Variants in USP18 observed in about 807,000 individuals in gnomAD.
USP18 encodes ubiquitin specific peptidase 18, also known as ubl carboxyl-terminal hydrolase 18.
A neutral mutation model predicts 48.7 loss-of-function variants in USP18; 11 were observed. The ratio of observed to expected loss-of-function variants is 0.23; its 90% CI spans 0.14 to 0.37. The LOEUF is 0.37. USP18 is among the 10% of genes least tolerant of loss of function. USP18 has a pLI of 1.00. For synonymous variants in USP18, 114 were observed against 163.2 expected, an observed-to-expected ratio of 0.70 and a Z score of 2.30; for missense variants, 285 against 436.4, an observed-to-expected ratio of 0.65 and a Z score of 3.09.
intron 2 of USP18, 65 bp from the exon 3 acceptor site, chr22:18,160,107 C>A: frequency 6.6e-7 from 1 of 1,509,518 alleles, no homozygotes. Context: ...AGCCACCATG[C>A]CCAGCCTTGT....
chr22:18,167,943 C>T lies in USP18; in HGVS notation c.534C>T (p.Cys178=), dbSNP rs757569105. 1.1e-5 allele frequency: 18 copies of T among 1,613,920 alleles called. No individual in the cohort carries two copies. The highest frequency in any genetic ancestry group is 2.2e-5 in the East Asian group (1 of 44,882). ...YTIRVKDSLI[C]VDCAMESSRN... ...TCCGGGTGAAGGACTCCTTGATTTG[C>T]GTTGACTGTGCCATGGAGAGTAGCA... is the stretch of plus-strand genomic sequence containing the variant. Residue 178 remains cysteine (C), a synonymous_variant, in exon 6 of 11, where the codon TGC becomes TGT. Coordinates refer to ENST00000215794, the MANE Select transcript of USP18 (RefSeq NM_017414.4).
chr22:18,169,912 CT>C lies in USP18; in HGVS notation c.697del (p.Cys233ValfsTer11). ...SSKSKCFCENCGKKTRGKQVL... is the reference protein window; with the variant it reads ...SSKSKCFCENXGKKTRGKQVL... Reference sequence around the variant, plus strand: ...GCAAAAGCAAGTGCTTCTGTGAGAACTGTGGGAAGAAGACCCGTGGGAAACA... The same window carrying C: ...GCAAAAGCAAGTGCTTCTGTGAGAACGTGGGAAGAAGACCCGTGGGAAACA... On this transcript the variant is annotated frameshift_variant, in exon 7 of 11. Coordinates refer to ENST00000215794, the MANE Select transcript of USP18 (RefSeq NM_017414.4). LOFTEE classifies it high-confidence loss of function. 6.2e-7 allele frequency: 1 copy of C among 1,606,800 alleles called. No individual in the cohort carries two copies. Among genetic ancestry groups the C allele is most frequent in the Non-Finnish European group, 8.5e-7 (1 of 1,176,248 alleles).
In USP18 at chr22:18,157,631, A is replaced by C; in HGVS notation, c.-33A>C. On this transcript the variant is annotated 5_prime_UTR_variant, in exon 2 of 11. Transcript: ENST00000215794. The stretch of plus-strand genomic sequence containing the variant: ...GTGCTGTCCTGAACGCGGGCCAGGC[A>C]GCTGCGGCCTGGGGGTTTTGGAGTG... 6.2e-7 allele frequency: 1 copy of C among 1,613,378 alleles called. No homozygotes were observed. The highest frequency in any genetic ancestry group is 8.5e-7 in the Non-Finnish European group (1 of 1,179,444).
chr22:18,164,168 G>A lies in USP18; in HGVS notation c.400+2233G>A, dbSNP rs529422448. ...GAGCAAACCAGTGGGAGCAGCTGTG[G>A]AGGTGCTCACCTGCCTGTTCAGGGT... On this transcript the variant is annotated intron_variant, in intron 4 of 10. Coordinates refer to ENST00000215794, the MANE Select transcript of USP18 (RefSeq NM_017414.4). 2.6e-5 allele frequency among the ~76,000 whole-genome samples: 4 copies of A among 152,274 alleles called. No individual in the cohort carries two copies. In the East Asian group the frequency reaches 7.7e-4, roughly 29 times the overall value.
In USP18 at chr22:18,164,362, C is replaced by T. The variant is rs372915398; in HGVS notation, c.400+2427C>T. ...GGGGGATGTTCTTTGGTCTCTGTGC[C>T]CCTGTGGGACTTACAAATACAGAGC... is the stretch of plus-strand genomic sequence containing the variant. On this transcript the variant is annotated intron_variant, in intron 4 of 10. Coordinates refer to ENST00000215794, the MANE Select transcript of USP18 (RefSeq NM_017414.4). Among the ~76,000 whole-genome samples, 1,106 of 151,896 alleles carry T rather than the reference C, an allele frequency of 7.3e-3. 6 individuals carry two copies. The highest frequency in any genetic ancestry group is 0.025 in the African/African-American group (1,045 of 41,358).
At chr22:18,173,369 T>C (rs1299382487) in intron 9 of USP18, 88 bp downstream of exon 9, 73 of 1,566,684 alleles carry the variant, frequency 4.7e-5, no homozygotes, top group Non-Finnish European at 6.1e-5. Context: ...GTCTCTGAGA[T>C]CAAGACACAC....
chr22:18,169,806 C>T (rs781023092), intron 6 of USP18, 38 bp from the exon 7 acceptor site: 26 of 1,545,902 alleles, frequency 1.7e-5, no homozygotes, highest in East Asian at 2.4e-5. Context: ...GTGGGAAATA[C>T]CAACGCTGCT....
At chr22:18,156,782 G>A (rs773601134) in intron 1 of USP18, among the ~76,000 whole-genome samples, 1 of 152,212 alleles carries the variant, frequency 6.6e-6, no homozygotes, top group Non-Finnish European at 1.5e-5. Flanking sequence ...CTGCGGACAT[G>A]CCCCCTTTAA....
intron 4 of USP18, among the ~76,000 whole-genome samples, chr22:18,165,746 C>A (rs1042667502): frequency 6.6e-6 from 1 of 150,938 alleles, no homozygotes; most frequent in East Asian, 2.0e-4. Context: ...GGGGTGGCTT[C>A]GAAACTTCCA....
At position 18,168,043 on chromosome 22, in the gene USP18, G is replaced by T. The variant is rs1318305706; in HGVS notation, c.627+7G>T. 2 of 1,613,830 alleles carry T rather than the reference G, an allele frequency of 1.2e-6. No homozygotes were observed. The highest frequency in any genetic ancestry group is 1.7e-6 in the Non-Finnish European group (2 of 1,179,844). Reference sequence around the variant, plus strand: ...AAAGCCCCTGAAGACACTGGTAAGGGGATTCTCTTGGTATTTGCTGCCCCT... The same window carrying T: ...AAAGCCCCTGAAGACACTGGTAAGGTGATTCTCTTGGTATTTGCTGCCCCT... On this transcript the variant is annotated splice_region_variant and intron_variant, in intron 6 of 10. Transcript: ENST00000215794.
intron 2 of USP18, among the ~76,000 whole-genome samples, chr22:18,159,967 G>T (rs572993500): frequency 6.6e-6 from 1 of 151,268 alleles, no homozygotes; most frequent in African/African-American, 2.4e-5. Flanking sequence ...GTGAGCCACC[G>T]CACCCGGCTG....
At chr22:18,172,903 TG>T (rs1444602430) in intron 8 of USP18, among the ~76,000 whole-genome samples, 2 of 146,396 alleles carry the variant, frequency 1.4e-5, no homozygotes, top group Non-Finnish European at 3.0e-5. Flanking sequence ...GCCTTGGCTT[TG>T]GGGGCCTCTC....
At chr22:18,157,883 C>T (rs1291387613) in intron 2 of USP18, 63 bp downstream of exon 2, 2 of 1,596,720 alleles carry the variant, frequency 1.3e-6, no homozygotes, top group African/African-American at 1.3e-5. Flanking sequence ...TCACCCCCTC[C>T]GCTCTGAAGC....
At chr22:18,167,455 T>C in intron 5 of USP18, 121 bp downstream of exon 5, 1 of 1,203,144 alleles carries the variant, frequency 8.3e-7, no homozygotes. Flanking sequence ...CCCAGCACTT[T>C]GGGAGGCTGA....
chr22:18,167,173 G>A (rs1929497742), intron 4 of USP18, 82 bp from the exon 5 acceptor site: 2 of 1,530,886 alleles, frequency 1.3e-6, no homozygotes, highest in African/African-American at 2.7e-5. Context: ...AGTGATGAGT[G>A]TTCATGTGTG....
chr22:18,172,960 G>T (rs1929675380), intron 8 of USP18, among the ~76,000 whole-genome samples, 190 bp from the exon 9 acceptor site: 1 of 151,088 alleles, frequency 6.6e-6, no homozygotes, highest in Non-Finnish European at 1.5e-5. Context: ...CTGCCAAGCT[G>T]CTGAGCCTTC....
At position 18,157,780 on chromosome 22, in the gene USP18, G is replaced by A. The variant is rs745433791; in HGVS notation, c.117G>A (p.Glu39=). ...KKEEDSNMKR[E]QPRERPRAWD... ...AAGAAGACAGCAACATGAAGAGAGAGCAGCCCAGAGAGCGTCCCAGGGCCT... is the reference window on the plus strand; with the variant it reads ...AAGAAGACAGCAACATGAAGAGAGAACAGCCCAGAGAGCGTCCCAGGGCCT... Residue 39 remains glutamate, a synonymous_variant, in exon 2 of 11, where the codon GAG becomes GAA. Transcript: ENST00000215794. 1 of 1,614,094 alleles carries A rather than the reference G, an allele frequency of 6.2e-7. No individual in the cohort carries two copies. Among genetic ancestry groups the A allele is most frequent in the Non-Finnish European group, 8.5e-7 (1 of 1,180,024 alleles).
chr22:18,161,458 C>T (rs1329366912), intron 3 of USP18, among the ~76,000 whole-genome samples: 1 of 44,206 alleles, frequency 2.3e-5, no homozygotes, highest in Admixed American at 2.9e-4. Flanking sequence ...GCCAGGACCT[C>T]GTGCATCTGC....
At chr22:18,159,583 T>C (rs5747502) in intron 2 of USP18, among the ~76,000 whole-genome samples, 40,118 of 148,926 alleles carry the variant, frequency 0.27, 6,584 homozygotes, top group East Asian at 0.63. Flanking sequence ...CTGCAACCTC[T>C]GCCTCCTGGG....
Sources: gnomAD v4.1 joint callset for allele counts (sites outside exome capture counted in the v4.1 genomes callset) on GRCh38, gnomAD v4.1.1 for gene constraint, MANE v1.5 for transcripts, NCBI Gene and HGNC (gene_info 2026-07-23, HGNC 2026-07-21) for gene names.